Variants in LINGO2 observed in about 807,000 individuals in gnomAD.
LINGO2 encodes the protein leucine-rich repeat and immunoglobulin-like domain-containing nogo receptor-interacting protein 2.
LINGO2 carries 14 observed loss-of-function variants against 30.6 expected under a neutral mutation model. The ratio of observed to expected loss-of-function variants is 0.46; its 90% CI spans 0.30 to 0.72. LINGO2 has a LOEUF of 0.72. LINGO2 is among the 30% of genes least tolerant of loss of function. The probability of loss-of-function intolerance (pLI) is 0.07; values close to 1 mark genes in which losing one functional copy is unlikely to be tolerated. For synonymous variants in LINGO2, 317 were observed against 288.5 expected (o/e 1.10, Z -1.00); for missense variants, 729 against 751.7 (o/e 0.97, Z 0.35).
At chr9:28,777,041 C>T in the LINGO2 span, among the ~76,000 whole-genome samples, 1 of 152,032 alleles carries the variant, frequency 6.6e-6, no homozygotes, top group Admixed American at 6.6e-5. Flanking sequence ...CCTTTGCTCC[C>T]TCTCCCACTT....
intron 4 of LINGO2, among the ~76,000 whole-genome samples, chr9:28,054,989 AAATTT>A (rs1354747633): frequency 6.6e-6 from 1 of 151,964 alleles, no homozygotes; most frequent in African/African-American, 2.4e-5. Flanking sequence ...AGCTTTACTG[AAATTT>A]AATTTGCTTT....
At chr9:28,466,669 T>C (rs1208630653) in intron 2 of LINGO2, among the ~76,000 whole-genome samples, 5 of 152,184 alleles carry the variant, frequency 3.3e-5, no homozygotes, top group Non-Finnish European at 2.9e-5. Context: ...GATGTGACTA[T>C]GACACATTTT....
chr9:28,300,243 G>A (rs1165455246), intron 3 of LINGO2, among the ~76,000 whole-genome samples: 2 of 151,742 alleles, frequency 1.3e-5, no homozygotes, highest in Admixed American at 6.6e-5. Context: ...TGAACATTTT[G>A]TATGTGTAGC....
chr9:28,381,400 A>G (rs190906929), intron 2 of LINGO2, among the ~76,000 whole-genome samples: 86 of 152,184 alleles, frequency 5.7e-4, no homozygotes, highest in Admixed American at 5.1e-3. Flanking sequence ...TACAGTTTGG[A>G]ACTGAGTATG....
intron 1 of LINGO2, among the ~76,000 whole-genome samples, chr9:28,525,105 A>G (rs915091316): frequency 1.3e-5 from 2 of 152,168 alleles, no homozygotes; most frequent in African/African-American, 4.8e-5. Flanking sequence ...GGACATGAAA[A>G]AATACTCGAC....
At chr9:28,007,194 A>C (rs1262545269) in intron 5 of LINGO2, among the ~76,000 whole-genome samples, 1 of 152,220 alleles carries the variant, frequency 6.6e-6, no homozygotes, top group Non-Finnish European at 1.5e-5. Flanking sequence ...TTAATATAAG[A>C]AACAAAGTAA....
the LINGO2 span, among the ~76,000 whole-genome samples, chr9:28,933,697 C>T: frequency 2.6e-5 from 4 of 152,114 alleles, no homozygotes; most frequent in Non-Finnish European, 5.9e-5. Context: ...TGCTGCAAAA[C>T]CCACAAATTT....
chr9:28,551,636 C>A (rs913798799), intron 1 of LINGO2, among the ~76,000 whole-genome samples: 1 of 152,040 alleles, frequency 6.6e-6, no homozygotes. Context: ...CAGAGGCAAC[C>A]ACTTTCAAAT....
intron 5 of LINGO2, among the ~76,000 whole-genome samples, chr9:28,004,402 A>G (rs1822152472): frequency 6.6e-6 from 1 of 152,218 alleles, no homozygotes; most frequent in Non-Finnish European, 1.5e-5. Flanking sequence ...TTGTACAAAT[A>G]GTATATGCTC....
chr9:28,049,083 A>T lies in LINGO2; in HGVS notation c.-86-36678T>A, dbSNP rs1824553743. The stretch of plus-strand genomic sequence containing the variant: ...ACTTTGAATTCCTCTTCTGTAACAG[A>T]GTAATGTGTTTGCACATCACTAAGT... On this transcript the variant is annotated intron_variant, in intron 4 of 5. Coordinates refer to ENST00000379992, the Ensembl canonical transcript of LINGO2. Among the ~76,000 whole-genome samples the T allele has an allele frequency of 2.6e-5, 4 of 151,046 alleles. No homozygotes were observed. The Admixed American group carries it at 2.7e-4, about 10-fold the overall frequency.
chr9:28,911,434 C>T, the LINGO2 span, among the ~76,000 whole-genome samples: 1 of 151,910 alleles, frequency 6.6e-6, no homozygotes, highest in African/African-American at 2.4e-5. Context: ...TTTCTATAAT[C>T]TGAACCATAT....
chr9:28,531,339 TA>T (rs1222674021), intron 1 of LINGO2, among the ~76,000 whole-genome samples: 1 of 151,998 alleles, frequency 6.6e-6, no homozygotes, highest in African/African-American at 2.4e-5. Flanking sequence ...AGGCATTGGT[TA>T]TTTTTCCTAC....
At chr9:28,545,856 C>T (rs1821911825) in intron 1 of LINGO2, among the ~76,000 whole-genome samples, 1 of 151,992 alleles carries the variant, frequency 6.6e-6, no homozygotes, top group Non-Finnish European at 1.5e-5. Context: ...AAATAACTTC[C>T]TCAATGTCAT....
intron 3 of LINGO2, among the ~76,000 whole-genome samples, chr9:28,344,876 T>C (rs897957299): frequency 3.3e-5 from 5 of 152,112 alleles, no homozygotes; most frequent in African/African-American, 1.2e-4. Context: ...GTTCCCCAAC[T>C]GCACCAAAGC....
chr9:27,978,079 G>T (rs76020697), intron 5 of LINGO2, among the ~76,000 whole-genome samples: 1 of 151,930 alleles, frequency 6.6e-6, no homozygotes, highest in African/African-American at 2.4e-5. Context: ...AAAGCCTCTC[G>T]GACCTGCTTA....
intron 4 of LINGO2, among the ~76,000 whole-genome samples, chr9:28,141,836 C>T (rs1028116058): frequency 6.6e-5 from 10 of 152,240 alleles, no homozygotes; most frequent in Non-Finnish European, 1.2e-4. Flanking sequence ...CACTTGAACC[C>T]GGGAAGCGGA....
At chr9:28,784,639 G>T in the LINGO2 span, among the ~76,000 whole-genome samples, 1 of 152,140 alleles carries the variant, frequency 6.6e-6, no homozygotes, top group African/African-American at 2.4e-5. Context: ...AGCAACACAA[G>T]ATAGTATATG....
chr9:28,354,404 T>C (rs1820072605), intron 3 of LINGO2, among the ~76,000 whole-genome samples: 1 of 152,184 alleles, frequency 6.6e-6, no homozygotes, highest in Admixed American at 6.5e-5. Context: ...CACAAAATCC[T>C]ACCAATGGCT....
chr9:28,959,595 C>T, the LINGO2 span, among the ~76,000 whole-genome samples: 1 of 135,602 alleles, frequency 7.4e-6, no homozygotes, highest in African/African-American at 3.1e-5. Context: ...TTATCTCTCT[C>T]TCTCTCTCTC....
Sources: gnomAD v4.1 joint callset for allele counts (sites outside exome capture counted in the v4.1 genomes callset) on GRCh38, gnomAD v4.1.1 for gene constraint, MANE v1.5 for transcripts, NCBI Gene and HGNC (gene_info 2026-07-23, HGNC 2026-07-21) for gene names.